Variants in HECW2 observed in about 807,000 individuals in gnomAD.
HECW2 encodes the protein HECT, C2 and WW domain containing E3 ubiquitin protein ligase 2.
A neutral mutation model predicts 175.2 loss-of-function variants in HECW2; 61 were observed. The observed-to-expected ratio is 0.35, with a 90% CI of 0.28 to 0.43. HECW2 has a LOEUF of 0.43. Ranked by LOEUF, HECW2 falls within the 20% of genes least tolerant of loss-of-function variation. The pLI is 1.00. For synonymous variants in HECW2, 671 were observed against 731.0 expected (o/e 0.92, Z 1.32); for missense variants, 1,524 against 2,000.5 (o/e 0.76, Z 4.54).
rs746756374 is a variant in HECW2 at position 196,319,192 on chromosome 2, T to TTCAGCACTGCCCTGG, written c.1683_1697dup (p.Asp561_Ala565dup). Reference sequence around the variant, plus strand: ...GATCTACCTCTTGAGAGCCACACAGTTCAGCACTGCCCTGGTCAGCACTGG... The same window carrying TTCAGCACTGCCCTGG: ...GATCTACCTCTTGAGAGCCACACAGTTCAGCACTGCCCTGGTCAGCACTGCCCTGGTCAGCACTGG... On this transcript the variant is annotated inframe_insertion, in exon 9 of 29. Transcript: ENST00000644978. 6.3e-7 allele frequency: 1 copy of TTCAGCACTGCCCTGG among 1,597,750 alleles called. No individual in the cohort carries two copies. The highest frequency in any genetic ancestry group is 1.1e-5 in the South Asian group (1 of 87,794).
intron 20 of HECW2, among the ~76,000 whole-genome samples, chr2:196,241,013 GA>G (rs11384057): frequency 2.7e-4 from 40 of 150,902 alleles, no homozygotes; most frequent in African/African-American, 9.0e-4. Context: ...GAACAAAGAG[GA>G]AAAAAAAAAT....
chr2:196,417,813 C>T (rs950403923), intron 2 of HECW2, among the ~76,000 whole-genome samples: 4 of 152,170 alleles, frequency 2.6e-5, no homozygotes, highest in Admixed American at 6.5e-5. Context: ...GAGCCCCAAA[C>T]TAAGAATTTA....
chr2:196,355,587 A>AT (rs1351883362), intron 2 of HECW2, among the ~76,000 whole-genome samples: 2 of 152,250 alleles, frequency 1.3e-5, no homozygotes, highest in Admixed American at 6.5e-5. Flanking sequence ...TGAAAAGAAC[A>AT]TTTTAAGCCT....
intron 1 of HECW2, among the ~76,000 whole-genome samples, chr2:196,483,253 G>A (rs748537934): frequency 1.3e-5 from 2 of 152,014 alleles, no homozygotes; most frequent in African/African-American, 4.8e-5. Flanking sequence ...TTATTTACTC[G>A]ATGGATATTT....
chr2:196,369,974 G>A (rs1693860646), intron 2 of HECW2, among the ~76,000 whole-genome samples: 2 of 151,994 alleles, frequency 1.3e-5, no homozygotes, highest in South Asian at 4.1e-4. Flanking sequence ...TAAAAGCCAA[G>A]ACCTAGAATT....
chr2:196,417,167 T>C (rs573979102), intron 2 of HECW2, among the ~76,000 whole-genome samples: 1 of 152,380 alleles, frequency 6.6e-6, no homozygotes, highest in East Asian at 1.9e-4. Context: ...TTAAAACCTT[T>C]ATGGCTCTAT....
intron 1 of HECW2, among the ~76,000 whole-genome samples, chr2:196,514,605 G>A (rs1688081064): frequency 6.6e-6 from 1 of 152,122 alleles, no homozygotes. Context: ...GGACCAATCG[G>A]CATGCACTCC....
At chr2:196,589,248 A>C (rs1691096544) in intron 1 of HECW2, among the ~76,000 whole-genome samples, 4 of 152,204 alleles carry the variant, frequency 2.6e-5, no homozygotes, top group Non-Finnish European at 5.9e-5. Flanking sequence ...ATGCTGACCA[A>C]GCTTTTGAGG....
intron 16 of HECW2, among the ~76,000 whole-genome samples, chr2:196,271,767 A>G (rs932123049): frequency 6.6e-6 from 1 of 152,224 alleles, no homozygotes; most frequent in Admixed American, 6.5e-5. Context: ...ACAACAAAAA[A>G]TAAATAAATG....
At chr2:196,451,932 T>C (rs541935197) in intron 1 of HECW2, among the ~76,000 whole-genome samples, 1 of 152,336 alleles carries the variant, frequency 6.6e-6, no homozygotes, top group East Asian at 1.9e-4. Flanking sequence ...ATTTATTTCT[T>C]ATTTGGAGAA....
At chr2:196,533,485 A>T (rs928623575) in intron 1 of HECW2, among the ~76,000 whole-genome samples, 21 of 152,062 alleles carry the variant, frequency 1.4e-4, no homozygotes, top group Non-Finnish European at 1.9e-4. Flanking sequence ...GTGGGGGGGT[A>T]TCTTTTATCT....
chr2:196,540,670 C>A (rs546917994), intron 1 of HECW2, among the ~76,000 whole-genome samples: 1 of 152,248 alleles, frequency 6.6e-6, no homozygotes, highest in East Asian at 1.9e-4. Flanking sequence ...GTCTTGAACT[C>A]CTGGCCTCAA....
rs181541557 is a variant in HECW2 at position 196,196,560 on chromosome 2, G to C, written c.*4717C>G. On this transcript the variant is annotated 3_prime_UTR_variant, in exon 29 of 29. Transcript: ENST00000644978. ...GTCTGTAATCCCAGCACTTCGGGAGGCCAAGGTGGGAGGACTGCTTGAGCT... is the reference window on the plus strand; with the variant it reads ...GTCTGTAATCCCAGCACTTCGGGAGCCCAAGGTGGGAGGACTGCTTGAGCT... The C allele has an allele frequency of 1.3e-5, 2 of 152,530 alleles. No individual in the cohort carries two copies. Among genetic ancestry groups the C allele is most frequent in the South Asian group, 4.1e-4 (2 of 4,870 alleles). The allele number at this position is 152,530 out of a possible 1,614,324, so 9.4% of individuals were successfully genotyped here. A position where few individuals can be genotyped will look rare whatever the true frequency, so the allele number is the denominator to read the frequency against.
At chr2:196,447,278 G>A (rs1029745670) in intron 1 of HECW2, among the ~76,000 whole-genome samples, 7 of 151,910 alleles carry the variant, frequency 4.6e-5, no homozygotes, top group Non-Finnish European at 8.8e-5. Context: ...CTCTATTAAC[G>A]GGCTGACAAT....
intron 2 of HECW2, among the ~76,000 whole-genome samples, chr2:196,394,493 G>A (rs1694605819): frequency 6.6e-6 from 1 of 152,046 alleles, no homozygotes; most frequent in African/African-American, 2.4e-5. Flanking sequence ...ATTGGAGCTG[G>A]TGTAATTTTA....
chr2:196,211,559 C>T (rs747868974), intron 28 of HECW2, among the ~76,000 whole-genome samples: 3 of 152,146 alleles, frequency 2.0e-5, no homozygotes, highest in South Asian at 2.1e-4. Flanking sequence ...GCACTGGCTG[C>T]AGAGACAACC....
At chr2:196,576,060 A>G (rs965734873) in intron 1 of HECW2, among the ~76,000 whole-genome samples, 5 of 149,188 alleles carry the variant, frequency 3.4e-5, no homozygotes, top group African/African-American at 1.2e-4. Flanking sequence ...GTGGTCTCAT[A>G]AGATTATAAC....
At chr2:196,425,223 T>C (rs924013461) in intron 2 of HECW2, among the ~76,000 whole-genome samples, 2 of 30,732 alleles carry the variant, frequency 6.5e-5, no homozygotes, top group African/African-American at 2.0e-4. Flanking sequence ...ACATACTGCT[T>C]GGAAAAAAAA....
chr2:196,216,856 A>G, intron 27 of HECW2, 152 bp downstream of exon 27: 1 of 541,016 alleles, frequency 1.8e-6, no homozygotes, highest in Non-Finnish European at 3.2e-6. Flanking sequence ...GAGTCACATA[A>G]CCATGCAATC....
Sources: gnomAD v4.1 joint callset for allele counts (sites outside exome capture counted in the v4.1 genomes callset) on GRCh38, gnomAD v4.1.1 for gene constraint, MANE v1.5 for transcripts, NCBI Gene and HGNC (gene_info 2026-07-23, HGNC 2026-07-21) for gene names.